NFAT5: variants seen among roughly 807,000 people sequenced by gnomAD.
NFAT5 encodes nuclear factor of activated T cells 5, also known as nuclear factor of activated T-cells 5.
In NFAT5, 31 loss-of-function variants were observed where a neutral mutation model predicts 166.5. That is an observed-to-expected ratio of 0.19 (90% CI 0.14 to 0.25). The LOEUF (loss-of-function observed/expected upper bound fraction) is 0.25, where lower values mean the gene tolerates loss of function less well. Ranked by LOEUF, NFAT5 falls within the 10% of genes least tolerant of loss-of-function variation. The pLI is 1.00. For synonymous variants in NFAT5, 612 were observed against 639.7 expected (o/e 0.96, Z 0.65); for missense variants, 1,449 against 1,821.8 (o/e 0.80, Z 3.72).
At chr16:69,656,518 C>A (rs904996997) in intron 6 of NFAT5, among the ~76,000 whole-genome samples, 1 of 150,018 alleles carries the variant, frequency 6.7e-6, no homozygotes, top group African/African-American at 2.5e-5. Flanking sequence ...GTGGTGCTAT[C>A]TCTGCTTACT....
At chr16:69,608,597 AT>A (rs1331864938) in intron 2 of NFAT5, among the ~76,000 whole-genome samples, 1 of 150,422 alleles carries the variant, frequency 6.6e-6, no homozygotes, top group Non-Finnish European at 1.5e-5. Context: ...TCTACTAAAA[AT>A]AAGTATATTG....
chr16:69,641,988 A>G (rs1057205650), intron 3 of NFAT5, among the ~76,000 whole-genome samples: 1 of 151,896 alleles, frequency 6.6e-6, no homozygotes, highest in African/African-American at 2.4e-5. Context: ...AGTCCTAGCT[A>G]TTCAGGAGGC....
intron 4 of NFAT5, chr16:69,649,224 C>G: frequency 1.0e-6 from 1 of 955,522 alleles, no homozygotes; most frequent in Non-Finnish European, 1.2e-6. Context: ...TCATGAATAT[C>G]ATTTAATTAC....
chr16:69,645,855 C>T lies in NFAT5; in HGVS notation c.254-1173C>T, dbSNP rs10163234. On this transcript the variant is annotated intron_variant, in intron 3 of 14. Transcript: ENST00000349945. ...TAGTCATGACAACTTCCAACCTTAG[C>T]GATCAACGCGCCTCTGAGTTTATGC... is the stretch of plus-strand genomic sequence containing the variant. Among the ~76,000 whole-genome samples, 814 of 152,242 alleles carry T rather than the reference C, an allele frequency of 5.3e-3. 8 individuals carry two copies. Among genetic ancestry groups the T allele is most frequent in the African/African-American group, 0.019 (779 of 41,546 alleles).
intron 2 of NFAT5, among the ~76,000 whole-genome samples, chr16:69,622,841 A>G (rs1287058042): frequency 1.3e-5 from 2 of 151,702 alleles, no homozygotes; most frequent in African/African-American, 4.8e-5. Context: ...GGAAAAAAAA[A>G]AAAAAGAAAA....
At chr16:69,595,518 T>G (rs1426099385) in intron 2 of NFAT5, among the ~76,000 whole-genome samples, 3 of 152,278 alleles carry the variant, frequency 2.0e-5, no homozygotes, top group African/African-American at 7.2e-5. Flanking sequence ...ACCTACAAAT[T>G]TAATGCCTTT....
chr16:69,633,678 G>A (rs368507864), intron 3 of NFAT5, among the ~76,000 whole-genome samples: 1 of 152,202 alleles, frequency 6.6e-6, no homozygotes, highest in African/African-American at 2.4e-5. Flanking sequence ...TAGAGGCTGG[G>A]AAGGGTAGGA....
At chr16:69,659,139 T>A (rs1305905659) in intron 6 of NFAT5, among the ~76,000 whole-genome samples, 2 of 151,748 alleles carry the variant, frequency 1.3e-5, no homozygotes, top group African/African-American at 2.4e-5. Flanking sequence ...TTTTTTTTTT[T>A]TTTTTAAAAA....
At chr16:69,599,305 A>C (rs1045545687) in intron 2 of NFAT5, among the ~76,000 whole-genome samples, 1 of 152,034 alleles carries the variant, frequency 6.6e-6, no homozygotes, top group African/African-American at 2.4e-5. Flanking sequence ...GGCCAGGCTC[A>C]GTGGCTCACA....
chr16:69,604,663 A>G (rs971167223), intron 2 of NFAT5, among the ~76,000 whole-genome samples: 1 of 152,130 alleles, frequency 6.6e-6, no homozygotes, highest in Non-Finnish European at 1.5e-5. Context: ...ACCTCTATCT[A>G]TCTGTCTGGT....
intron 10 of NFAT5, among the ~76,000 whole-genome samples, chr16:69,682,165 C>T (rs1279984849): frequency 6.7e-6 from 1 of 149,268 alleles, no homozygotes; most frequent in South Asian, 2.1e-4. Context: ...TGAAGCTTTG[C>T]TTAGCCATTA....
Position 69,692,232 on chromosome 16 carries a change from G to C in NFAT5, c.2407G>C (p.Gly803Arg). ...IQQLQAGSFT[G>R]STASGSSGSV... ...GCAGCTGCAAGCAGGGAGTTTCACA[G>C]GCAGTACTGCTAGTGGCAGCAGTGG... The change falls in exon 13 of 15, where the codon GGC (glycine) becomes CGC (arginine). Residue 803 changes from glycine to arginine, a missense_variant. Physicochemically the swap from Gly to Arg is moderately radical, Grantham distance 125. Coordinates refer to ENST00000349945, the MANE Select transcript of NFAT5 (RefSeq NM_138713.4). 1.9e-6 allele frequency: 3 copies of C among 1,614,170 alleles called. No homozygotes were observed. Among genetic ancestry groups the C allele is most frequent in the Non-Finnish European group, 2.5e-6 (3 of 1,180,036 alleles).
At chr16:69,567,335 A>G (rs2016125671) in intron 1 of NFAT5, among the ~76,000 whole-genome samples, 1 of 152,200 alleles carries the variant, frequency 6.6e-6, no homozygotes, top group Non-Finnish European at 1.5e-5. Flanking sequence ...TGGACACCAC[A>G]AGAATGTGTC....
At chr16:69,594,265 A>G (rs2032653023) in intron 2 of NFAT5, among the ~76,000 whole-genome samples, 1 of 152,234 alleles carries the variant, frequency 6.6e-6, no homozygotes. Context: ...CTCCTAGGCT[A>G]CAAATCTGTA....
chr16:69,640,296 C>G (rs1017174205), intron 3 of NFAT5, among the ~76,000 whole-genome samples: 1 of 152,148 alleles, frequency 6.6e-6, no homozygotes, highest in Non-Finnish European at 1.5e-5. Flanking sequence ...GTCCTTCTTT[C>G]TTTCTCTCTT....
intron 3 of NFAT5, among the ~76,000 whole-genome samples, chr16:69,633,727 A>G (rs910789883): frequency 1.3e-5 from 2 of 152,308 alleles, no homozygotes; most frequent in African/African-American, 4.8e-5. Flanking sequence ...GAAGGATACA[A>G]AATTTCAGCT....
chr16:69,647,404 T>C lies in NFAT5; in HGVS notation c.630T>C (p.Asn210=). ...NFSNMSTSSY[N]DNTEVPRKSR... ...GTAACATGAGCACCAGTTCCTACAA[T>C]GATAACACTGAGGTACCTCGTAAAT... is the stretch of plus-strand genomic sequence containing the variant. The change falls in exon 4 of 15, where the codon AAT becomes AAC. Residue 210 remains asparagine (N), a synonymous_variant. Transcript: ENST00000349945. The surrounding 1 kb of genome is among the most constrained non-coding windows in gnomAD (Gnocchi z 4.8). 4 of 1,614,138 alleles carry C rather than the reference T, an allele frequency of 2.5e-6. No individual in the cohort carries two copies. The South Asian group carries it at 3.3e-5, about 13-fold the overall frequency.
chr16:69,581,737 T>C (rs2031705820), intron 2 of NFAT5, among the ~76,000 whole-genome samples: 1 of 152,188 alleles, frequency 6.6e-6, no homozygotes, highest in African/African-American at 2.4e-5. Context: ...AGTATTAATA[T>C]ATCTTTGGAG....
At chr16:69,589,496 C>G (rs1417885867) in intron 2 of NFAT5, among the ~76,000 whole-genome samples, 1 of 152,056 alleles carries the variant, frequency 6.6e-6, no homozygotes, top group Non-Finnish European at 1.5e-5. Context: ...AAAACCTCAA[C>G]TCAGAAACTC....
Sources: allele counts gnomAD v4.1 joint callset (sites outside exome capture counted in the v4.1 genomes callset), GRCh38; gene constraint gnomAD v4.1.1; non-coding constraint Gnocchi (gnomAD v3.1); transcripts MANE v1.5; gene names NCBI Gene and HGNC (gene_info 2026-07-23, HGNC 2026-07-21).